PIGX: variants seen among roughly 807,000 people sequenced by gnomAD.
PIGX encodes phosphatidylinositol glycan anchor biosynthesis class X.
A neutral mutation model predicts 28.7 loss-of-function variants in PIGX; 24 were observed. The observed-to-expected ratio is 0.84, with a 90% CI of 0.60 to 1.17. The LOEUF (loss-of-function observed/expected upper bound fraction) is 1.17, where lower values mean the gene tolerates loss of function less well. Ranked by LOEUF, PIGX falls within the 50% of genes most tolerant of loss-of-function variation. The pLI is 0.00. For missense variants in PIGX, 305 were observed against 317.8 expected (o/e 0.96, Z 0.31); for synonymous variants, 127 against 121.0 (o/e 1.05, Z -0.33).
At chr3:196,728,351 A>G (rs555426491) in intron 4 of PIGX, 6 of 590,672 alleles carry the variant, frequency 1.0e-5, no homozygotes, top group East Asian at 5.6e-5. Context: ...TTAAAAAGAA[A>G]CATGCATCTG....
intron 3 of PIGX, among the ~76,000 whole-genome samples, chr3:196,727,628 C>T (rs1424858758): frequency 6.6e-6 from 1 of 152,132 alleles, no homozygotes; most frequent in Non-Finnish European, 1.5e-5. Flanking sequence ...CCTATTTTGT[C>T]ACCTAAGCAA....
rs844543 is a variant in PIGX, at chr3:196,712,392, G to A, written c.-141G>A. On this transcript the variant is annotated 5_prime_UTR_variant, in exon 1 of 6. Transcript: ENST00000392391. ...GGCTGCAGGCAGCTGGGAACCGCGG[G>A]CGCTAGGCGCGCGCACCCAGCACTC... 6,777 of 326,194 alleles carry A rather than the reference G, an allele frequency of 0.021. 90 individuals are homozygous for A. Among genetic ancestry groups the A allele is most frequent in the Non-Finnish European group, 0.026 (5,070 of 197,032 alleles). The allele number at this position is 326,194 out of a possible 1,614,324, so 20.2% of individuals were successfully genotyped here.
At chr3:196,728,869 T>TA in intron 4 of PIGX, 2 of 700,032 alleles carry the variant, frequency 2.9e-6, no homozygotes, top group Non-Finnish European at 5.2e-6. Flanking sequence ...TGTTTCTTGT[T>TA]ATCAGTATTG....
intron 1 of PIGX, among the ~76,000 whole-genome samples, chr3:196,713,510 T>C (rs1422585177): frequency 6.6e-6 from 1 of 152,022 alleles, no homozygotes; most frequent in East Asian, 1.9e-4. Context: ...TTTCGCCGTA[T>C]TGGTCAAGCT....
intron 3 of PIGX, among the ~76,000 whole-genome samples, chr3:196,725,240 A>C (rs1447903551): frequency 6.6e-6 from 1 of 152,228 alleles, no homozygotes; most frequent in Non-Finnish European, 1.5e-5. Flanking sequence ...TACTCAAAGT[A>C]TGTAGTATTA....
chr3:196,733,833 G>A lies in PIGX; in HGVS notation c.708G>A (p.Leu236=). Residue 236 remains leucine (L), a synonymous_variant, in exon 6 of 6, where the codon CTG becomes CTA. Transcript: ENST00000392391. The surrounding 1 kb of genome is among the most constrained non-coding windows in gnomAD (Gnocchi z 4.3). ...CCTCTCTAGTATGTTCTGTGACTCT[G>A]CTCATTACAATCCTGTGCTCTACAT... The A allele has an allele frequency of 6.3e-7, 1 of 1,590,642 alleles. No individual in the cohort carries two copies. The highest frequency in any genetic ancestry group is 1.3e-5 in the African/African-American group (1 of 74,538).
At position 196,712,625 on chromosome 3, in the gene PIGX, C is replaced by G; in HGVS notation, c.93C>G (p.Thr31=). The change falls in exon 1 of 6, where the codon ACC becomes ACG. Residue 31 remains threonine (T), a synonymous_variant. Transcript: ENST00000392391. ...CGCGCGGGCCCGCCGCGGCCTTCACCGCCGCGCGCTCTGACGCCGGTAAGG... is the reference window on the plus strand; with the variant it reads ...CGCGCGGGCCCGCCGCGGCCTTCACGGCCGCGCGCTCTGACGCCGGTAAGG... The G allele has an allele frequency of 1.7e-6, 2 of 1,189,570 alleles. No homozygotes were observed. Among genetic ancestry groups the G allele is most frequent in the Admixed American group, 9.0e-5 (2 of 22,254 alleles). 73.7% of individuals were successfully genotyped at this position (1,189,570 alleles called of 1,614,324 possible). A position where few individuals can be genotyped will look rare whatever the true frequency, so the allele number is the denominator to read the frequency against.
chr3:196,730,143 C>T (rs1712690109), intron 4 of PIGX, among the ~76,000 whole-genome samples: 1 of 151,428 alleles, frequency 6.6e-6, no homozygotes, highest in Non-Finnish European at 1.5e-5. Context: ...ACATTTGTTA[C>T]CGTCATACCT....
In PIGX at chr3:196,717,301, A is replaced by AAAAAAAAAAAAAAAAAAAG. The variant is rs374414994; in HGVS notation, c.176+386_176+387insAAAAAAAAAAAAGAAAAAA. 3.3e-3 allele frequency among the ~76,000 whole-genome samples: 358 copies of AAAAAAAAAAAAAAAAAAAG among 110,070 alleles called. 1 individual carries two copies. The highest frequency in any genetic ancestry group is 5.2e-3 in the Non-Finnish European group (270 of 52,314). The allele number at this position is 110,070 out of a possible 152,430, so 72.2% of individuals were successfully genotyped here. A position where few individuals can be genotyped will look rare whatever the true frequency, so the allele number is the denominator to read the frequency against. On this transcript the variant is annotated intron_variant, in intron 2 of 5. Transcript: ENST00000392391. ...GGGCAACAGAGTGAGACTCTGTCTCAAAAAAAGAAAAAAGAAAAATCACTT... is the reference window on the plus strand; with the variant it reads ...GGGCAACAGAGTGAGACTCTGTCTCAAAAAAAAAAAAAAAAAAAGAAAAAAGAAAAAAGAAAAATCACTT...
At chr3:196,714,769 T>C (rs1199900791) in intron 1 of PIGX, among the ~76,000 whole-genome samples, 2 of 152,028 alleles carry the variant, frequency 1.3e-5, no homozygotes, top group Non-Finnish European at 2.9e-5. Flanking sequence ...CTATTTGTTC[T>C]TTTTTTTAAG....
Position 196,712,434 on chromosome 3 carries a change from T to C in PIGX, c.-99T>C. On this transcript the variant is annotated 5_prime_UTR_variant, in exon 1 of 6. Transcript: ENST00000392391. ...CCAGCACTCGGTCCCAGCCGATAAA[T>C]CTGGGGCAGCGCGCGGTAGGAGCTG... The C allele has an allele frequency of 2.1e-6, 1 of 485,576 alleles. No homozygotes were observed. The highest frequency in any genetic ancestry group is 6.9e-5 in the East Asian group (1 of 14,596). 30.1% of individuals were successfully genotyped at this position (485,576 alleles called of 1,614,324 possible).
intron 2 of PIGX, among the ~76,000 whole-genome samples, chr3:196,718,453 G>A (rs767770605): frequency 1.1e-4 from 17 of 152,036 alleles, no homozygotes; most frequent in Admixed American, 2.6e-4. Flanking sequence ...TTCATGATTG[G>A]GTGTTAAATT....
intron 4 of PIGX, among the ~76,000 whole-genome samples, chr3:196,729,020 G>A (rs1173312025): frequency 6.6e-6 from 1 of 152,048 alleles, no homozygotes; most frequent in Admixed American, 6.6e-5. Flanking sequence ...GTTTTTATGT[G>A]GGAATGGGTA....
intron 3 of PIGX, 140 bp from the exon 4 acceptor site, chr3:196,727,783 T>G: frequency 2.0e-6 from 1 of 505,782 alleles, no homozygotes; most frequent in Non-Finnish European, 3.5e-6. Flanking sequence ...AAATTGAGGA[T>G]GGAAGGGGAA....
Position 196,716,931 on chromosome 3 carries a change from CT to C in PIGX, c.176+11del. ...AAGATGGTTTCCACAGGTAAGTTGC[CT>C]GTTGATTTCTATTTCTATTAAAATA... is the stretch of plus-strand genomic sequence containing the variant. On this transcript the variant is annotated intron_variant, in intron 2 of 5. Transcript: ENST00000392391. 6.7e-7 allele frequency: 1 copy of C among 1,497,076 alleles called. No individual in the cohort carries two copies. The highest frequency in any genetic ancestry group is 9.3e-7 in the Non-Finnish European group (1 of 1,076,526). The allele number at this position is 1,497,076 out of a possible 1,614,324, so 92.7% of individuals were successfully genotyped here. A position where few individuals can be genotyped will look rare whatever the true frequency, so the allele number is the denominator to read the frequency against.
At chr3:196,731,750 AT>A (rs1166758046) in intron 5 of PIGX, among the ~76,000 whole-genome samples, 2 of 152,142 alleles carry the variant, frequency 1.3e-5, no homozygotes, top group Non-Finnish European at 2.9e-5. Context: ...TGATTTATTG[AT>A]TTAGCAAATT....
At chr3:196,722,382 A>C in intron 2 of PIGX, 33 bp from the exon 3 acceptor site, 3 of 1,528,322 alleles carry the variant, frequency 2.0e-6, no homozygotes, top group Non-Finnish European at 2.7e-6. Context: ...CAGTTGAATG[A>C]AGAGATTTAC....
intron 4 of PIGX, among the ~76,000 whole-genome samples, chr3:196,729,609 G>A (rs1339731203): frequency 6.6e-6 from 1 of 150,726 alleles, no homozygotes; most frequent in East Asian, 2.1e-4. Context: ...GACTAGTCTC[G>A]AACTCCTGAC....
At position 196,712,550 on chromosome 3, in the gene PIGX, G is replaced by A; in HGVS notation, c.18G>A (p.Ala6=). 8.5e-7 allele frequency: 1 copy of A among 1,177,706 alleles called. No homozygotes were observed. The highest frequency in any genetic ancestry group is 1.0e-6 in the Non-Finnish European group (1 of 953,124). 73.0% of individuals were successfully genotyped at this position (1,177,706 alleles called of 1,614,324 possible). A position where few individuals can be genotyped will look rare whatever the true frequency, so the allele number is the denominator to read the frequency against. ...CCGGCGTCCTGGCGGCTCGGGTGGCGGCGGTTCGGGCGGCCGCCTGGCTGC... is the reference window on the plus strand; with the variant it reads ...CCGGCGTCCTGGCGGCTCGGGTGGCAGCGGTTCGGGCGGCCGCCTGGCTGC... Residue 6 remains alanine, a synonymous_variant, in exon 1 of 6, where the codon GCG becomes GCA. Transcript: ENST00000392391.
Sources: allele counts gnomAD v4.1 joint callset (sites outside exome capture counted in the v4.1 genomes callset), GRCh38; gene constraint gnomAD v4.1.1; non-coding constraint Gnocchi (gnomAD v3.1); transcripts MANE v1.5; gene names NCBI Gene and HGNC (gene_info 2026-07-23, HGNC 2026-07-21).